Variants in KHDRBS2 observed in about 807,000 individuals in gnomAD.
The protein encoded by KHDRBS2 is KH domain-containing, RNA-binding, signal transduction-associated protein 2.
KHDRBS2 carries 26 observed loss-of-function variants against 44.3 expected under a neutral mutation model. The observed-to-expected ratio is 0.59, with a 90% CI of 0.43 to 0.81. KHDRBS2 has a LOEUF of 0.81. Ranked by LOEUF, KHDRBS2 falls within the 40% of genes least tolerant of loss-of-function variation. The probability of loss-of-function intolerance (pLI) is 0.00; values close to 1 mark genes in which losing one functional copy is unlikely to be tolerated. For synonymous variants in KHDRBS2, 194 were observed against 151.1 expected (o/e 1.28, Z -2.08); for missense variants, 476 against 433.1 (o/e 1.10, Z -0.88).
At chr6:61,983,528 C>T (rs186381751) in intron 3 of KHDRBS2, among the ~76,000 whole-genome samples, 99 of 151,880 alleles carry the variant, frequency 6.5e-4, no homozygotes, top group East Asian at 3.9e-4. Context: ...CTGGGGACCT[C>T]GAGAAGAGAG....
chr6:61,979,461 A>C (rs1401347270), intron 3 of KHDRBS2, among the ~76,000 whole-genome samples: 1 of 152,152 alleles, frequency 6.6e-6, no homozygotes, highest in African/African-American at 2.4e-5. Context: ...TGTTGATGTC[A>C]TGTGAGTTAA....
chr6:61,958,136 T>C (rs1209444603), intron 4 of KHDRBS2, among the ~76,000 whole-genome samples: 2 of 152,086 alleles, frequency 1.3e-5, no homozygotes, highest in Admixed American at 6.6e-5. Context: ...CAAAACCATT[T>C]CCCTCTGTTC....
the KHDRBS2 span, among the ~76,000 whole-genome samples, chr6:61,657,892 A>C: frequency 9.2e-5 from 14 of 152,010 alleles, no homozygotes. Context: ...TTGTCAGAAC[A>C]TTGGTTCTGG....
chr6:61,545,437 G>A, the KHDRBS2 span, among the ~76,000 whole-genome samples: 5 of 151,814 alleles, frequency 3.3e-5, no homozygotes, highest in Non-Finnish European at 7.4e-5. Context: ...AAAATTTTAG[G>A]TCATTGTGAA....
At chr6:62,202,036 T>A (rs1308934579) in intron 1 of KHDRBS2, among the ~76,000 whole-genome samples, 1 of 152,066 alleles carries the variant, frequency 6.6e-6, no homozygotes, top group African/African-American at 2.4e-5. Context: ...ATTCATTTTT[T>A]AAAAAGTAGT....
intron 7 of KHDRBS2, among the ~76,000 whole-genome samples, chr6:61,727,245 T>G (rs1456242067): frequency 6.6e-6 from 1 of 152,180 alleles, no homozygotes; most frequent in Non-Finnish European, 1.5e-5. Context: ...AAATTGAAAC[T>G]GGACCCCTTC....
intron 4 of KHDRBS2, among the ~76,000 whole-genome samples, chr6:61,955,023 T>C (rs62646165): frequency 0.31 from 43,681 of 139,148 alleles, 7,645 homozygotes; most frequent in Middle Eastern, 0.48. Context: ...TATACACACA[T>C]ACATATATAC....
the KHDRBS2 span, among the ~76,000 whole-genome samples, chr6:61,602,071 G>T: frequency 6.6e-6 from 1 of 152,056 alleles, no homozygotes; most frequent in Non-Finnish European, 1.5e-5. Context: ...GACCCTAAAA[G>T]GTCAAAAGGC....
intron 4 of KHDRBS2, among the ~76,000 whole-genome samples, chr6:61,932,349 C>CTT (rs1562465544): frequency 2.0e-5 from 3 of 152,150 alleles, no homozygotes; most frequent in African/African-American, 7.2e-5. Flanking sequence ...AGTCACCTGG[C>CTT]GGTACAACAC....
chr6:62,213,035 T>C (rs1829350156), intron 1 of KHDRBS2, among the ~76,000 whole-genome samples: 1 of 152,088 alleles, frequency 6.6e-6, no homozygotes, highest in African/African-American at 2.4e-5. Flanking sequence ...AAAAAAGCTA[T>C]TCAGAGATCA....
the KHDRBS2 span, among the ~76,000 whole-genome samples, chr6:61,554,436 C>T: frequency 1.1e-4 from 16 of 152,088 alleles, no homozygotes; most frequent in Non-Finnish European, 2.4e-4. Flanking sequence ...GACAACAAAC[C>T]ATTTAGTCTT....
intron 3 of KHDRBS2, among the ~76,000 whole-genome samples, chr6:61,992,221 A>G (rs1033504454): frequency 9.9e-5 from 15 of 152,116 alleles, no homozygotes. Flanking sequence ...AAACTTCAAC[A>G]ATTTTATCCT....
chr6:62,169,189 G>A (rs1161407562), intron 2 of KHDRBS2, among the ~76,000 whole-genome samples: 111 of 140,672 alleles, frequency 7.9e-4, no homozygotes, highest in Non-Finnish European at 1.4e-3. Context: ...GTATATATAC[G>A]TATACATATA....
intron 6 of KHDRBS2, among the ~76,000 whole-genome samples, chr6:61,851,171 A>T (rs1795347830): frequency 1.3e-5 from 2 of 151,996 alleles, no homozygotes; most frequent in Admixed American, 6.6e-5. Context: ...TCTTGCCTAA[A>T]AGCCTCTGTT....
intron 1 of KHDRBS2, among the ~76,000 whole-genome samples, chr6:62,191,461 T>C (rs1396154748): frequency 4.6e-5 from 7 of 152,106 alleles, no homozygotes; most frequent in African/African-American, 1.7e-4. Flanking sequence ...CCTTAGCACT[T>C]TGTACTCTAA....
chr6:62,128,749 GAATT>G (rs932776267), intron 2 of KHDRBS2, among the ~76,000 whole-genome samples: 1 of 150,964 alleles, frequency 6.6e-6, no homozygotes, highest in Non-Finnish European at 1.5e-5. Flanking sequence ...AAGCAGCACA[GAATT>G]AATCTTTCCT....
At chr6:62,162,567 C>G (rs1244104971) in intron 2 of KHDRBS2, among the ~76,000 whole-genome samples, 1 of 151,988 alleles carries the variant, frequency 6.6e-6, no homozygotes, top group Non-Finnish European at 1.5e-5. Context: ...ACAGTTGAAA[C>G]GGATCAAAAT....
chr6:62,112,015 C>A (rs1805117623), intron 2 of KHDRBS2, among the ~76,000 whole-genome samples: 4 of 152,086 alleles, frequency 2.6e-5, no homozygotes, highest in Non-Finnish European at 4.4e-5. Context: ...AGTCCATGAA[C>A]CATACTTTGA....
At chr6:61,565,768 A>T in the KHDRBS2 span, among the ~76,000 whole-genome samples, 1 of 152,110 alleles carries the variant, frequency 6.6e-6, no homozygotes, top group Non-Finnish European at 1.5e-5. Context: ...TAACACAGGG[A>T]AAACAGTATG....
Sources: allele counts gnomAD v4.1 joint callset (sites outside exome capture counted in the v4.1 genomes callset), GRCh38; gene constraint gnomAD v4.1.1; transcripts MANE v1.5; gene names NCBI Gene and HGNC (gene_info 2026-07-23, HGNC 2026-07-21).